The following SDK1 variants were observed in gnomAD, a reference collection of about 807,000 sequenced individuals.
SDK1 encodes the protein protein sidekick-1.
A neutral mutation model predicts 245.5 loss-of-function variants in SDK1; 157 were observed. That is an observed-to-expected ratio of 0.64 (90% confidence interval 0.56 to 0.73). The LOEUF (loss-of-function observed/expected upper bound fraction) is 0.73. Ranked by LOEUF, SDK1 falls within the 30% of genes least tolerant of loss-of-function variation. The probability of loss-of-function intolerance (pLI) is 0.00; values close to 1 mark genes in which losing one functional copy is unlikely to be tolerated. For synonymous variants in SDK1, 1,647 were observed against 1,278.5 expected, an observed-to-expected ratio of 1.29 and a Z score of -6.15; for missense variants, 3,583 against 3,002.3, an observed-to-expected ratio of 1.19 and a Z score of -4.52.
chr7:3,506,769 T>C (rs1350108777), intron 1 of SDK1, among the ~76,000 whole-genome samples: 1 of 152,168 alleles, frequency 6.6e-6, no homozygotes, highest in African/African-American at 2.4e-5. Flanking sequence ...AGTTCAGGTG[T>C]TGTATTTTTC....
intron 4 of SDK1, among the ~76,000 whole-genome samples, chr7:3,781,051 T>C (rs1281874897): frequency 1.3e-5 from 2 of 151,822 alleles, no homozygotes; most frequent in Non-Finnish European, 2.9e-5. Context: ...AAACAGTCAC[T>C]CAACTCAGTC....
At chr7:3,624,171 T>C (rs1782037054) in intron 2 of SDK1, among the ~76,000 whole-genome samples, 1 of 152,186 alleles carries the variant, frequency 6.6e-6, no homozygotes, top group African/African-American at 2.4e-5. Flanking sequence ...CTAACATCAG[T>C]AGAACTTTTC....
intron 38 of SDK1, among the ~76,000 whole-genome samples, chr7:4,217,451 C>T (rs1784883136): frequency 8.9e-6 from 1 of 111,948 alleles, no homozygotes. Flanking sequence ...ACCACACCAC[C>T]CGGAGCACCA....
In SDK1 at chr7:4,156,343, C is replaced by G. The variant is rs943317192; in HGVS notation, c.4626-2105C>G. Among the ~76,000 whole-genome samples, 48 of 152,192 alleles carry G rather than the reference C, an allele frequency of 3.2e-4. 1 individual carries two copies. The highest frequency in any genetic ancestry group is 4.1e-4 in the Non-Finnish European group (28 of 68,030). On this transcript the variant is annotated intron_variant, in intron 30 of 44. Coordinates refer to ENST00000404826, the MANE Select transcript of SDK1 (RefSeq NM_152744.4). ...ACAGAGGGGAAATTGTTTGTTTTAA[C>G]TTAGCAAAGGCTGTCTACCAGAACT...
chr7:4,149,118 G>T, intron 29 of SDK1, 144 bp from the exon 30 acceptor site: 1 of 486,284 alleles, frequency 2.1e-6, no homozygotes, highest in Non-Finnish European at 3.4e-6. Context: ...ACCCAAGGAA[G>T]GGACTGGCTT....
chr7:3,394,120 C>G (rs540452068), intron 1 of SDK1, among the ~76,000 whole-genome samples: 1 of 151,738 alleles, frequency 6.6e-6, no homozygotes, highest in African/African-American at 2.4e-5. Context: ...TCCAGAAGAA[C>G]TCTCTGGATT....
intron 4 of SDK1, among the ~76,000 whole-genome samples, chr7:3,689,574 G>A (rs1008109222): frequency 6.6e-6 from 1 of 152,096 alleles, no homozygotes; most frequent in African/African-American, 2.4e-5. Flanking sequence ...ATTATTTGTT[G>A]TGGCTGCCTG....
At chr7:3,684,885 C>A (rs1038142816) in intron 4 of SDK1, among the ~76,000 whole-genome samples, 7 of 152,004 alleles carry the variant, frequency 4.6e-5, no homozygotes, top group African/African-American at 1.4e-4. Flanking sequence ...ATAGAGATGA[C>A]ACAGAGGACC....
chr7:4,030,852 C>T (rs1787760777), intron 17 of SDK1, among the ~76,000 whole-genome samples: 1 of 152,128 alleles, frequency 6.6e-6, no homozygotes, highest in Admixed American at 6.5e-5. Context: ...TTAAAGAATT[C>T]CATGCTGACC....
chr7:3,876,220 C>G lies in SDK1; in HGVS notation c.847+54637C>G, dbSNP rs960731225. The stretch of plus-strand genomic sequence containing the variant: ...AGTGAAGTAGGGTAGGGGCTGAACT[C>G]CCAGCATCCTGGCAACTTTGTTCAA... On this transcript the variant is annotated intron_variant, in intron 5 of 44. Coordinates refer to ENST00000404826, the MANE Select transcript of SDK1 (RefSeq NM_152744.4). Among the ~76,000 whole-genome samples, 5 of 152,180 alleles carry G rather than the reference C, an allele frequency of 3.3e-5. No individual in the cohort carries two copies. In the East Asian group the frequency reaches 5.8e-4, roughly 18 times the overall value.
chr7:3,437,284 G>A (rs1780056861), intron 1 of SDK1, among the ~76,000 whole-genome samples: 2 of 152,012 alleles, frequency 1.3e-5, no homozygotes. Flanking sequence ...TTATTTCCCA[G>A]ATTTGAGGGG....
intron 1 of SDK1, among the ~76,000 whole-genome samples, chr7:3,430,602 C>G (rs1404274079): frequency 6.6e-6 from 1 of 152,206 alleles, no homozygotes; most frequent in African/African-American, 2.4e-5. Flanking sequence ...ACAGTCTCAG[C>G]TCATGACTTT....
At chr7:4,167,322 A>G (rs1781558667) in intron 32 of SDK1, among the ~76,000 whole-genome samples, 1 of 152,174 alleles carries the variant, frequency 6.6e-6, no homozygotes, top group East Asian at 1.9e-4. Context: ...GAGAGGCTAC[A>G]GTGAGCAACC....
At chr7:3,453,611 G>GT (rs1780585625) in intron 1 of SDK1, among the ~76,000 whole-genome samples, 1 of 152,194 alleles carries the variant, frequency 6.6e-6, no homozygotes, top group Non-Finnish European at 1.5e-5. Flanking sequence ...GCTGCCTACT[G>GT]TAAGAGGCAA....
intron 35 of SDK1, among the ~76,000 whole-genome samples, chr7:4,195,395 C>T (rs1331848937): frequency 2.0e-5 from 3 of 152,144 alleles, no homozygotes; most frequent in East Asian, 1.9e-4. Flanking sequence ...GCTGCAGCTC[C>T]GCTTCTCTCT....
At chr7:3,905,708 G>C (rs370811103) in intron 5 of SDK1, among the ~76,000 whole-genome samples, 1 of 151,306 alleles carries the variant, frequency 6.6e-6, no homozygotes, top group Admixed American at 6.6e-5. Flanking sequence ...CTGTAACCCC[G>C]AACTCCTGGG....
At chr7:3,628,728 T>G (rs1167996973) in intron 2 of SDK1, among the ~76,000 whole-genome samples, 1 of 152,218 alleles carries the variant, frequency 6.6e-6, no homozygotes, top group Non-Finnish European at 1.5e-5. Flanking sequence ...TACTGCCTCA[T>G]TTGAAACAAC....
At chr7:4,116,060 A>C (rs1026785862) in intron 25 of SDK1, among the ~76,000 whole-genome samples, 1 of 152,034 alleles carries the variant, frequency 6.6e-6, no homozygotes, top group Non-Finnish European at 1.5e-5. Context: ...AAAGGGAGGA[A>C]AGCATAGACA....
At chr7:3,542,198 T>G (rs1230439790) in intron 1 of SDK1, among the ~76,000 whole-genome samples, 1 of 152,226 alleles carries the variant, frequency 6.6e-6, no homozygotes, top group Non-Finnish European at 1.5e-5. Context: ...GATTTCTTAT[T>G]ATGTTATGGC....
Sources: gnomAD v4.1 joint callset for allele counts (sites outside exome capture counted in the v4.1 genomes callset) on GRCh38, gnomAD v4.1.1 for gene constraint, MANE v1.5 for transcripts, NCBI Gene and HGNC (gene_info 2026-07-23, HGNC 2026-07-21) for gene names.